The following OFD1 variants were observed in gnomAD, a reference collection of about 807,000 sequenced individuals.
OFD1 encodes centriole and centriolar satellite protein OFD1.
Under a neutral mutation model 81.4 loss-of-function variants are expected in OFD1, and 12 were observed. The ratio of observed to expected loss-of-function variants is 0.15; its 90% CI spans 0.09 to 0.24. The LOEUF (loss-of-function observed/expected upper bound fraction) is 0.24, where lower values mean the gene tolerates loss of function less well. Among genes scored for constraint, OFD1 ranks in the 10% least tolerant of loss-of-function variants. The pLI is 1.00. For missense variants in OFD1, 685 were observed against 733.9 expected (o/e 0.93, Z 0.77); for synonymous variants, 256 against 263.7 (o/e 0.97, Z 0.28).
chrX:13,729,738 G>T, the OFD1 span, among the ~76,000 whole-genome samples: 4 of 110,951 alleles, frequency 3.6e-5, no homozygotes, highest in African/African-American at 1.3e-4. Context: ...GAGAAACCCC[G>T]TCTCTACTAA....
intron 19 of OFD1, among the ~76,000 whole-genome samples, chrX:13,766,169 C>T (rs1028734877): frequency 8.9e-5 from 10 of 112,166 alleles, no homozygotes; most frequent in South Asian, 3.7e-4. Flanking sequence ...ACTACCATGG[C>T]GTAGGACTCT....
At chrX:13,751,474 G>T in intron 10 of OFD1, 106 bp downstream of exon 10, 6 of 461,641 alleles carry the variant, frequency 1.3e-5, no homozygotes, top group Non-Finnish European at 1.4e-5. Context: ...TTTAGTGTTT[G>T]AAAAAAAAAA....
chrX:13,728,464 A>G, the OFD1 span, among the ~76,000 whole-genome samples: 11 of 112,087 alleles, frequency 9.8e-5, no homozygotes, highest in Non-Finnish European at 1.7e-4. Flanking sequence ...ATCGATAAAC[A>G]TAATCCATCA....
chrX:13,752,213 T>C (rs762252929), intron 10 of OFD1, among the ~76,000 whole-genome samples: 1 of 112,355 alleles, frequency 8.9e-6, no homozygotes, highest in Non-Finnish European at 1.9e-5. Context: ...TATGGTAACT[T>C]TGGCTTTTCT....
intron 12 of OFD1, 122 bp downstream of exon 12, chrX:13,755,364 A>ACCTTCTTAGCC: frequency 1.9e-6 from 1 of 514,650 alleles, no homozygotes; most frequent in Non-Finnish European, 3.4e-6. Flanking sequence ...TATGGCTAAG[A>ACCTTCTTAGCC]AGGTGTTAGC....
At chrX:13,761,327 G>C in intron 17 of OFD1, 116 bp downstream of exon 17, 1 of 804,126 alleles carries the variant, frequency 1.2e-6, no homozygotes, top group Non-Finnish European at 1.8e-6. Context: ...AGATCATGTG[G>C]CAGTATAGAA....
At chrX:13,762,196 G>A (rs1331046558) in intron 17 of OFD1, 148 bp from the exon 18 acceptor site, 9 of 482,405 alleles carry the variant, frequency 1.9e-5, no homozygotes, top group Non-Finnish European at 3.0e-5. Context: ...ACAATGCCTA[G>A]TGGTGGTGGT....
At chrX:13,741,794 C>CT (rs1233012590) in intron 5 of OFD1, among the ~76,000 whole-genome samples, 1 of 111,632 alleles carries the variant, frequency 9.0e-6, no homozygotes, top group African/African-American at 3.3e-5. Context: ...GTGGAGAGAT[C>CT]TTGGGACTCA....
rs772201088 is a variant in OFD1 at position 13,767,540 on chromosome X, C to G, written c.2757+256C>G. On this transcript the variant is annotated intron_variant, in intron 20 of 22. Coordinates refer to ENST00000340096, the MANE Select transcript of OFD1 (RefSeq NM_003611.3). ...ATTCTCATCTGATCCTTAAAACAAG[C>G]CTGTAAAAAAGGTAGACTGTGCTTT... is the stretch of plus-strand genomic sequence containing the variant. Among the ~76,000 whole-genome samples the G allele has an allele frequency of 4.5e-5, 5 of 112,203 alleles. No individual in the cohort carries two copies. In the South Asian group the frequency reaches 1.5e-3, roughly 33 times the overall value.
chrX:13,746,941 C>T lies in OFD1; in HGVS notation c.816C>T (p.His272=), dbSNP rs748363967. Residue 272 remains histidine (H), a synonymous_variant, in exon 8 of 23, where the codon CAC becomes CAT. Transcript: ENST00000340096. ...AAAAGAGTACCCTTGAAAGAATTCACAAGCACCAAGAGGTGGTATTTACAA... is the reference window on the plus strand; with the variant it reads ...AAAAGAGTACCCTTGAAAGAATTCATAAGCACCAAGAGGTGGTATTTACAA... The part of the protein sequence containing the change: ...LREKSTLERI[H]KHQEIETKEI... 7.4e-6 allele frequency: 9 copies of T among 1,209,999 alleles called. No homozygotes were observed. The highest frequency in any genetic ancestry group is 5.9e-5 in the East Asian group (2 of 33,842).
At position 13,751,283 on chromosome X, in the gene OFD1, A is replaced by G; in HGVS notation, c.970A>G (p.Ile324Val). 8.3e-7 allele frequency: 1 copy of G among 1,206,857 alleles called. No individual in the cohort carries two copies. The highest frequency in any genetic ancestry group is 1.1e-6 in the Non-Finnish European group (1 of 891,218). The change falls in exon 10 of 23, where the codon ATA becomes GTA. Residue 324 changes from isoleucine to valine, a missense_variant. Physicochemically the swap from Ile to Val is conservative, Grantham distance 29 (BLOSUM62 3). Coordinates refer to ENST00000340096, the MANE Select transcript of OFD1 (RefSeq NM_003611.3). Reference sequence around the variant, plus strand: ...GCTCCAGGAAGAAAAACATAAAAGCATAACTGAGGCACTTAGGAGACAGGA... The same window carrying G: ...GCTCCAGGAAGAAAAACATAAAAGCGTAACTGAGGCACTTAGGAGACAGGA... ...QKLQEEKHKS[I>V]TEALRRQEQN...
Position 13,760,420 on chromosome X carries a change from C to A in OFD1, c.1960C>A (p.Arg654=), listed in dbSNP as rs779709673. 8.4e-7 allele frequency: 1 copy of A among 1,196,158 alleles called. No homozygotes were observed. Among genetic ancestry groups the A allele is most frequent in the Non-Finnish European group, 1.1e-6 (1 of 887,988 alleles). ...RLEKAFRSYH[R]RVIKNSAKSP... ...GGAAAAGGCTTTCAGAAGTTACCAT[C>A]GGAGAGTCATTAAAAACTCTGCCAA... The change falls in exon 16 of 23, where the codon CGG becomes AGG. Residue 654 remains arginine (R), a synonymous_variant. Coordinates refer to ENST00000340096, the MANE Select transcript of OFD1 (RefSeq NM_003611.3).
chrX:13,766,457 G>A (rs892906266), intron 19 of OFD1, among the ~76,000 whole-genome samples: 1 of 111,790 alleles, frequency 8.9e-6, no homozygotes, highest in East Asian at 2.8e-4. Flanking sequence ...AGTGCTGTGG[G>A]GTTTCCACAT....
the OFD1 span, among the ~76,000 whole-genome samples, chrX:13,718,168 G>A: frequency 8.9e-6 from 1 of 112,846 alleles, no homozygotes; most frequent in Admixed American, 9.3e-5. Flanking sequence ...TCAGTTTTTC[G>A]TACTTTGTTA....
chrX:13,765,057 A>G, intron 19 of OFD1, among the ~76,000 whole-genome samples: 1 of 112,468 alleles, frequency 8.9e-6, no homozygotes, highest in Non-Finnish European at 1.9e-5. Context: ...CTGAGTAACT[A>G]GGTGTTCTGC....
At chrX:13,733,993 T>C (rs1433907173), upstream of OFD1, 24 of 511,619 alleles carry the variant, frequency 4.7e-5, no homozygotes, top group Non-Finnish European at 3.5e-6. Context: ...TCTGAGAGGT[T>C]TGGTTCCTTT....
intron 10 of OFD1, 57 bp downstream of exon 10, chrX:13,751,425 TA>T: frequency 1.0e-6 from 1 of 1,002,326 alleles, no homozygotes; most frequent in South Asian, 2.1e-5. Context: ...GGTAGAAACA[TA>T]ACAAAAACTG....
chrX:13,742,712 G>C (rs1226671340), intron 5 of OFD1, among the ~76,000 whole-genome samples: 1 of 110,985 alleles, frequency 9.0e-6, no homozygotes, highest in African/African-American at 3.3e-5. Flanking sequence ...TTTCAATAGA[G>C]ATGGGGTTCA....
chrX:13,767,968 C>T (rs773949591), intron 20 of OFD1, 86 bp from the exon 21 acceptor site: 8 of 944,403 alleles, frequency 8.5e-6, no homozygotes, highest in South Asian at 2.2e-5. Context: ...CTTGAAGGAT[C>T]GGGATTAATA....
Sources: gnomAD v4.1 joint callset for allele counts (sites outside exome capture counted in the v4.1 genomes callset) on GRCh38, gnomAD v4.1.1 for gene constraint, MANE v1.5 for transcripts, NCBI Gene and HGNC (gene_info 2026-07-23, HGNC 2026-07-21) for gene names.